The following NFILZ variants were observed in gnomAD, a reference collection of about 807,000 sequenced individuals.
The protein encoded by NFILZ is NFIL3 like protein.
chr19:8,656,497 C>CGCAGCCCACCTTCTCCT (rs1239894779), intron 3 of NFILZ, among the ~76,000 whole-genome samples: 1 of 68,452 alleles, frequency 1.5e-5, no homozygotes, highest in Non-Finnish European at 2.9e-5. Context: ...CACCTTCTCC[C>CGCAGCCCACCTTCTCCT]GCAGCCCACC....
In NFILZ at chr19:8,641,238, G is replaced by A. The variant is rs536755984; in HGVS notation, c.-164+5492G>A. Among the ~76,000 whole-genome samples, 399 of 151,586 alleles carry A rather than the reference G, an allele frequency of 2.6e-3. 3 individuals are homozygous for A. The highest frequency in any genetic ancestry group is 4.3e-3 in the Non-Finnish European group (289 of 67,866). On this transcript the variant is annotated intron_variant, in intron 3 of 5. Transcript: ENST00000691075. ...CTAATGTTTGTTTTTTTTTTGTAGAGATGGGGTCTCCTTATGTTGCTCAGG... is the reference window on the plus strand; with the variant it reads ...CTAATGTTTGTTTTTTTTTTGTAGAAATGGGGTCTCCTTATGTTGCTCAGG...
intron 3 of NFILZ, among the ~76,000 whole-genome samples, chr19:8,653,034 TTCTTTCTCTCTCTCTCTCTC>T (rs1274851530): frequency 8.7e-5 from 5 of 57,412 alleles, no homozygotes; most frequent in African/African-American, 2.6e-4. Context: ...CTTTCTTTCT[TTCTTTCTCTCTCTCTCTCTC>T]TCTCTCTCTC....
chr19:8,641,642 A>G (rs1175714519), intron 3 of NFILZ, among the ~76,000 whole-genome samples: 2 of 152,144 alleles, frequency 1.3e-5, no homozygotes, highest in African/African-American at 4.8e-5. Context: ...ACACTTCATG[A>G]CAGCCCTTGG....
Position 8,679,757 on chromosome 19 carries a change from G to A in NFILZ, c.*2122G>A, listed in dbSNP as rs2043136856. On this transcript the variant is annotated 3_prime_UTR_variant, in exon 6 of 6. Coordinates refer to ENST00000691075, the MANE Select transcript of NFILZ (RefSeq NM_001378600.1). ...CCTTCCAGCAGGTGGCTTTTCTCATGTCACTGAGCCTCCCTTATACATCTA... is the reference window on the plus strand; with the variant it reads ...CCTTCCAGCAGGTGGCTTTTCTCATATCACTGAGCCTCCCTTATACATCTA... Among the ~76,000 whole-genome samples the A allele has an allele frequency of 6.6e-6, 1 of 152,102 alleles. No homozygotes were observed. Among genetic ancestry groups the A allele is most frequent in the Non-Finnish European group, 1.5e-5 (1 of 68,028 alleles).
intron 3 of NFILZ, among the ~76,000 whole-genome samples, chr19:8,663,308 A>G (rs1555749348): frequency 2.0e-5 from 3 of 151,732 alleles, no homozygotes; most frequent in East Asian, 2.0e-4. Context: ...AGTTGGGCTC[A>G]GATTTGGGGG....
intron 3 of NFILZ, among the ~76,000 whole-genome samples, chr19:8,658,681 ATTCATTC>A (rs2043016038): frequency 6.6e-6 from 1 of 150,812 alleles, no homozygotes; most frequent in Non-Finnish European, 1.5e-5. Flanking sequence ...TCATTCATTC[ATTCATTC>A]ATTCATTCAA....
intron 3 of NFILZ, among the ~76,000 whole-genome samples, chr19:8,652,926 C>CTCTCTCTT (rs74196153): frequency 0.074 from 8,571 of 115,728 alleles, 595 homozygotes; most frequent in Middle Eastern, 0.12. Flanking sequence ...TCTCTCTTCT[C>CTCTCTCTT]TCTCTCTTTC....
At chr19:8,643,112 G>C (rs1241845863) in intron 3 of NFILZ, among the ~76,000 whole-genome samples, 1 of 151,930 alleles carries the variant, frequency 6.6e-6, no homozygotes, top group East Asian at 1.9e-4. Context: ...ACCACACCTG[G>C]CTAATTTGAA....
At position 8,669,263 on chromosome 19, in the gene NFILZ, CAAT is replaced by C. The variant is rs369803258; in HGVS notation, c.-163-5285_-163-5283del. 8.1e-3 allele frequency among the ~76,000 whole-genome samples: 1,235 copies of C among 152,224 alleles called. 16 individuals carry two copies. The highest frequency in any genetic ancestry group is 0.028 in the African/African-American group (1,165 of 41,546). On this transcript the variant is annotated intron_variant, in intron 3 of 5. Coordinates refer to ENST00000691075, the MANE Select transcript of NFILZ (RefSeq NM_001378600.1). ...CCTGGCCAAGAGAGGATTCTAACAA[CAAT>C]AAATGAAAAATAGCTATGTGGGTTA...
chr19:8,673,463 C>G (rs946494604), intron 3 of NFILZ, among the ~76,000 whole-genome samples: 19 of 152,178 alleles, frequency 1.2e-4, no homozygotes, highest in Non-Finnish European at 2.1e-4. Flanking sequence ...GCTTCCCCAG[C>G]CCATGTGATG....
At chr19:8,653,569 A>G (rs1391163517) in intron 3 of NFILZ, among the ~76,000 whole-genome samples, 1 of 152,168 alleles carries the variant, frequency 6.6e-6, no homozygotes, top group Non-Finnish European at 1.5e-5. Flanking sequence ...TATGGAACCA[A>G]CCGGTGTGGC....
intron 3 of NFILZ, among the ~76,000 whole-genome samples, chr19:8,656,387 T>C (rs75860854): frequency 0.082 from 4,988 of 60,882 alleles, 107 homozygotes; most frequent in Admixed American, 0.088. Context: ...AAGCCCACCT[T>C]CTCCCGCAGC....
intron 3 of NFILZ, among the ~76,000 whole-genome samples, chr19:8,663,787 T>TGTGTGTGTGTGTG (rs2043048906): frequency 2.0e-5 from 3 of 148,736 alleles, no homozygotes; most frequent in African/African-American, 2.5e-5. Context: ...TGTGTGTTTG[T>TGTGTGTGTGTGTG]TGTGGGGGGG....
At chr19:8,656,400 A>AAAG (rs2146154063) in intron 3 of NFILZ, among the ~76,000 whole-genome samples, 2 of 90,500 alleles carry the variant, frequency 2.2e-5, no homozygotes, top group Non-Finnish European at 2.1e-5. Flanking sequence ...CCCGCAGCCC[A>AAAG]CCTTCTCTCT....
intron 3 of NFILZ, among the ~76,000 whole-genome samples, chr19:8,647,587 CA>C (rs201771278): frequency 5.5e-5 from 8 of 146,772 alleles, no homozygotes; most frequent in East Asian, 4.4e-4. Context: ...CCCCCCCCCC[CA>C]AAAAAAGGGA....
chr19:8,666,648 C>T (rs1555749840), intron 3 of NFILZ, among the ~76,000 whole-genome samples: 3 of 152,144 alleles, frequency 2.0e-5, no homozygotes, highest in Non-Finnish European at 4.4e-5. Flanking sequence ...TAGTTTCACT[C>T]AATAAATTAC....
At position 8,679,232 on chromosome 19, in the gene NFILZ, G is replaced by T. The variant is rs2043133595; in HGVS notation, c.*1597G>T. On this transcript the variant is annotated 3_prime_UTR_variant, in exon 6 of 6. Coordinates refer to ENST00000691075, the MANE Select transcript of NFILZ (RefSeq NM_001378600.1). Reference sequence around the variant, plus strand: ...GCCTGGAGCCCAAGGACTTATCAAGGCTCCCTCCTCCTCAGTTTCTCACTC... The same window carrying T: ...GCCTGGAGCCCAAGGACTTATCAAGTCTCCCTCCTCCTCAGTTTCTCACTC... Among the ~76,000 whole-genome samples, 1 of 151,654 alleles carries T rather than the reference G, an allele frequency of 6.6e-6. No homozygotes were observed.
rs1473281 is a variant in NFILZ, at chr19:8,678,969, C to T, written c.*1334C>T. On this transcript the variant is annotated 3_prime_UTR_variant, in exon 6 of 6. Transcript: ENST00000691075. ...ACCAGACTGAAGGAGGAGGTAACGT[C>T]TAGGGTGTCTGAATCCCCCTTCTTG... Among the ~76,000 whole-genome samples, 28,824 of 151,992 alleles carry T rather than the reference C, an allele frequency of 0.19. 2,923 individuals are homozygous for T. The highest frequency in any genetic ancestry group is 0.24 in the Admixed American group (3,630 of 15,270).
chr19:8,676,097 G>A (rs1159523612), intron 4 of NFILZ, among the ~76,000 whole-genome samples: 1 of 152,142 alleles, frequency 6.6e-6, no homozygotes, highest in Non-Finnish European at 1.5e-5. Flanking sequence ...GATGGTGAGT[G>A]AGTGAATGAA....
Sources: allele counts gnomAD v4.1 joint callset (sites outside exome capture counted in the v4.1 genomes callset), GRCh38; gene constraint gnomAD v4.1.1; transcripts MANE v1.5; gene names NCBI Gene and HGNC (gene_info 2026-07-23, HGNC 2026-07-21).